PDE4A: variants seen among roughly 807,000 people sequenced by gnomAD.
PDE4A encodes phosphodiesterase 4A.
In PDE4A, 21 loss-of-function variants were observed where a neutral mutation model predicts 73.9. The ratio of observed to expected loss-of-function variants is 0.28; its 90% CI spans 0.20 to 0.41. PDE4A has a LOEUF of 0.41. Among genes scored for constraint, PDE4A ranks in the 10% least tolerant of loss-of-function variants. The probability of loss-of-function intolerance (pLI) is 1.00; values close to 1 mark genes in which losing one functional copy is unlikely to be tolerated. For synonymous variants in PDE4A, 463 were observed against 505.4 expected (o/e 0.92, Z 1.13); for missense variants, 958 against 1,211.4 (o/e 0.79, Z 3.10).
intron 1 of PDE4A, among the ~76,000 whole-genome samples, chr19:10,441,890 A>G (rs947583646): frequency 6.6e-6 from 1 of 151,388 alleles, no homozygotes; most frequent in Non-Finnish European, 1.5e-5. Context: ...GGGTTTCACC[A>G]TGTTGGCCAG....
rs1297805178 is a variant in PDE4A at position 10,446,241 on chromosome 19, C to T, written c.344C>T (p.Thr115Ile). The T allele has an allele frequency of 6.3e-7, 1 of 1,585,336 alleles. No homozygotes were observed. The highest frequency in any genetic ancestry group is 2.3e-5 in the East Asian group (1 of 42,966). The change falls in exon 2 of 15, where the codon ACA becomes ATA. Residue 115 changes from threonine to isoleucine, a missense_variant. This residue lies in a region of PDE4A where 570 missense variants were observed against 827.7 expected (regional missense o/e 0.69). Transcript: ENST00000380702. ...AGCTTCGAGGCAGAGAATGGGCCGA[C>T]ACCATCTCCTGGCCGCAGCCCCCTG... ...SRRFEAENGP[T>I]PSPGRSPLDS...
At chr19:10,464,963 T>G (rs2043339452) in intron 14 of PDE4A, among the ~76,000 whole-genome samples, 1 of 150,554 alleles carries the variant, frequency 6.6e-6, no homozygotes, top group East Asian at 2.0e-4. Flanking sequence ...TCAGTCTGCC[T>G]CCCTCAGCCT....
At chr19:10,432,715 C>A in intron 1 of PDE4A, 1 of 696,476 alleles carries the variant, frequency 1.4e-6, no homozygotes, top group Non-Finnish European at 2.3e-6. Flanking sequence ...CCTTTCCTGG[C>A]TCTAAAGGCC....
chr19:10,457,838 A>G (rs987159648), intron 7 of PDE4A, 41 bp from the exon 8 acceptor site: 1 of 1,609,334 alleles, frequency 6.2e-7, no homozygotes, highest in Non-Finnish European at 8.5e-7. Context: ...CCAGGGGTGG[A>G]AGGGTTGTTC....
chr19:10,451,038 C>G, intron 6 of PDE4A, 97 bp downstream of exon 6: 1 of 1,172,972 alleles, frequency 8.5e-7, no homozygotes. Flanking sequence ...GCGCGGCCTG[C>G]GGATGGAGCC....
At chr19:10,457,369 C>T (rs1451254237) in intron 7 of PDE4A, among the ~76,000 whole-genome samples, 1 of 147,422 alleles carries the variant, frequency 6.8e-6, no homozygotes. Context: ...TCTGGAAGCC[C>T]CTGAAAGCTC....
intron 4 of PDE4A, among the ~76,000 whole-genome samples, chr19:10,449,822 G>C (rs368722465): frequency 6.6e-6 from 1 of 151,942 alleles, no homozygotes; most frequent in African/African-American, 2.4e-5. Context: ...ACAGCCAAGC[G>C]TGCTGGCTCA....
chr19:10,452,843 T>A (rs2043112830), intron 6 of PDE4A: 4 of 491,532 alleles, frequency 8.1e-6, no homozygotes, highest in South Asian at 1.6e-4. Context: ...CTGAGGCCCA[T>A]GGGCTCTGAT....
At chr19:10,435,616 T>G (rs1247300065) in intron 1 of PDE4A, among the ~76,000 whole-genome samples, 1 of 151,478 alleles carries the variant, frequency 6.6e-6, no homozygotes, top group African/African-American at 2.4e-5. Flanking sequence ...AAAACAATGA[T>G]TAGCCTGCCT....
chr19:10,445,010 T>C (rs180947352), intron 1 of PDE4A, among the ~76,000 whole-genome samples: 6 of 152,120 alleles, frequency 3.9e-5, no homozygotes, highest in Admixed American at 3.3e-4. Context: ...GAGGAGGCCA[T>C]TGTGGCTGGA....
chr19:10,459,758 A>G lies in PDE4A; in HGVS notation c.1364A>G (p.Asp455Gly). The G allele has an allele frequency of 1.2e-6, 2 of 1,604,138 alleles. No individual in the cohort carries two copies. The highest frequency in any genetic ancestry group is 1.7e-6 in the Non-Finnish European group (2 of 1,173,196). ...GTACTGCTGGCCACGCCTGCACTAGATGTGAGTGACTGCCCTGTGAGTGAC... is the reference window on the plus strand; with the variant it reads ...GTACTGCTGGCCACGCCTGCACTAGGTGTGAGTGACTGCCCTGTGAGTGAC... ...THVLLATPAL[D>G]AVFTDLEILA... The change falls in exon 10 of 15, where the codon GAT (aspartate) becomes GGT (glycine). Residue 455 changes from aspartate (D) to glycine (G), a missense_variant and splice_region_variant. By Grantham distance (94) the Asp-to-Gly change is moderately conservative (BLOSUM62 -1). Transcript: ENST00000380702.
chr19:10,419,757 G>T (rs1233738328), upstream of PDE4A, among the ~76,000 whole-genome samples: 2 of 152,098 alleles, frequency 1.3e-5, no homozygotes, highest in Non-Finnish European at 2.9e-5. Context: ...GCACAACTCC[G>T]CAAGCACACA....
intron 14 of PDE4A, among the ~76,000 whole-genome samples, chr19:10,466,170 G>C (rs1289334870): frequency 6.7e-6 from 1 of 149,298 alleles, no homozygotes; most frequent in Non-Finnish European, 1.5e-5. Flanking sequence ...AAATAGGCCA[G>C]GTGCAGTGGC....
At position 10,468,976 on chromosome 19, in the gene PDE4A, T is replaced by C. The variant is rs1473492456; in HGVS notation, c.*1355T>C. On this transcript the variant is annotated 3_prime_UTR_variant, in exon 15 of 15. Transcript: ENST00000380702. ...CATTCATCGCCTGCCCCCTACCCAATTCTGAGCACACGGTACTGTAGCCCC... is the reference window on the plus strand; with the variant it reads ...CATTCATCGCCTGCCCCCTACCCAACTCTGAGCACACGGTACTGTAGCCCC... 1 of 152,756 alleles carries C rather than the reference T, an allele frequency of 6.5e-6. No homozygotes were observed. The highest frequency in any genetic ancestry group is 1.5e-5 in the Non-Finnish European group (1 of 68,162). The allele number at this position is 152,756 out of a possible 1,614,324, so 9.5% of individuals were successfully genotyped here. A position where few individuals can be genotyped will look rare whatever the true frequency, so the allele number is the denominator to read the frequency against.
intron 4 of PDE4A, among the ~76,000 whole-genome samples, chr19:10,450,035 G>T (rs898468534): frequency 1.3e-5 from 2 of 152,162 alleles, no homozygotes; most frequent in African/African-American, 4.8e-5. Context: ...GGTTGAGGCT[G>T]CAGTGAGCTG....
upstream of PDE4A, chr19:10,418,817 C>T (rs1206998961): frequency 1.0e-6 from 1 of 985,156 alleles, no homozygotes; most frequent in African/African-American, 1.7e-5. Context: ...AGAATTTGGC[C>T]CAGCCCAGGA....
At chr19:10,430,673 G>A (rs930243988) in intron 1 of PDE4A, among the ~76,000 whole-genome samples, 4 of 151,438 alleles carry the variant, frequency 2.6e-5, no homozygotes, top group African/African-American at 9.7e-5. Context: ...CCGTGCGGGC[G>A]CCCCAGACCC....
At chr19:10,460,616 G>A (rs111734971) in intron 10 of PDE4A, among the ~76,000 whole-genome samples, 4,309 of 151,396 alleles carry the variant, frequency 0.028, 205 homozygotes, top group African/African-American at 0.1. Context: ...CCAACATGGC[G>A]AAACCCTGTC....
chr19:10,420,400 C>T (rs2042632599), upstream of PDE4A: 4 of 974,658 alleles, frequency 4.1e-6, no homozygotes, highest in Admixed American at 6.2e-5. This position sits in a 1 kb window ranked among gnomAD's most constrained non-coding sequence, Gnocchi z 6.0. Context: ...AGGTAGCTGC[C>T]CCCCGCTGGC....
Sources: allele counts gnomAD v4.1 joint callset (sites outside exome capture counted in the v4.1 genomes callset), GRCh38; gene constraint gnomAD v4.1.1; regional missense constraint gnomAD v4.1.1; non-coding constraint Gnocchi (gnomAD v3.1); transcripts MANE v1.5; gene names NCBI Gene and HGNC (gene_info 2026-07-23, HGNC 2026-07-21).